KIAA2012: variants seen among roughly 807,000 people sequenced by gnomAD.
The protein encoded by KIAA2012 is uncharacterized protein KIAA2012.
KIAA2012 carries 125 observed loss-of-function variants against 150.6 expected under a neutral mutation model. The observed-to-expected ratio is 0.83, with a 90% CI of 0.72 to 0.96. The LOEUF is 0.96. Among genes scored for constraint, KIAA2012 ranks in the 40% least tolerant of loss-of-function variants. The probability of loss-of-function intolerance (pLI) is 0.00; values close to 1 mark genes in which losing one functional copy is unlikely to be tolerated. For synonymous variants in KIAA2012, 462 were observed against 504.7 expected, an observed-to-expected ratio of 0.92 and a Z score of 1.13; for missense variants, 1,219 against 1,354.9, an observed-to-expected ratio of 0.90 and a Z score of 1.57.
chr2:202,197,126 A>G (rs1416734745), intron 22 of KIAA2012, 107 bp downstream of exon 22: 2 of 1,497,280 alleles, frequency 1.3e-6, no homozygotes, highest in Non-Finnish European at 1.8e-6. Flanking sequence ...AAGTCCCCCC[A>G]CCCCCAGCAT....
chr2:202,157,755 C>A (rs1434021908), intron 14 of KIAA2012, among the ~76,000 whole-genome samples: 1 of 152,166 alleles, frequency 6.6e-6, no homozygotes, highest in Non-Finnish European at 1.5e-5. Flanking sequence ...CTATGCTCAA[C>A]CATCTGTTAT....
At chr2:202,194,491 A>G in intron 21 of KIAA2012, 129 bp downstream of exon 21, 2 of 914,316 alleles carry the variant, frequency 2.2e-6, no homozygotes, top group South Asian at 4.1e-5. Context: ...AATATAAACT[A>G]TTTTTCAAAG....
intron 2 of KIAA2012, among the ~76,000 whole-genome samples, chr2:202,083,224 A>T (rs1559196971): frequency 6.6e-6 from 1 of 152,174 alleles, no homozygotes; most frequent in Non-Finnish European, 1.5e-5. Context: ...TAGGAGAGAG[A>T]GTTATCATTT....
Position 202,190,458 on chromosome 2 carries a change from T to C in KIAA2012, c.2776T>C (p.Ser926Pro). 1 of 1,544,736 alleles carries C rather than the reference T, an allele frequency of 6.5e-7. No homozygotes were observed. The highest frequency in any genetic ancestry group is 8.7e-7 in the Non-Finnish European group (1 of 1,143,662). ...TGCAACTGTCACTGGCAACATGGAA[T>C]CTAAAGAAGAGAGAAGATGTGAGGA... ...QIATVTGNME[S>P]KEERRCEDPS... is the part of the protein sequence containing the mutation. The change falls in exon 19 of 24, where the codon TCT becomes CCT. Residue 926 changes from serine to proline, a missense_variant. Transcript: ENST00000498697.
intron 12 of KIAA2012, among the ~76,000 whole-genome samples, chr2:202,132,920 C>G (rs1171254632): frequency 1.5e-5 from 2 of 137,128 alleles, no homozygotes; most frequent in Non-Finnish European, 3.1e-5. Flanking sequence ...GACGGTGAAA[C>G]CCCGTCTCTA....
At chr2:202,188,538 A>G (rs1022026362) in intron 18 of KIAA2012, among the ~76,000 whole-genome samples, 2 of 152,220 alleles carry the variant, frequency 1.3e-5, no homozygotes, top group Non-Finnish European at 2.9e-5. Context: ...ACTCTTATTT[A>G]TTAGGACTCT....
chr2:202,200,721 T>TTTTTC (rs1338536967), intron 22 of KIAA2012, among the ~76,000 whole-genome samples: 1 of 150,894 alleles, frequency 6.6e-6, no homozygotes, highest in African/African-American at 2.4e-5. Flanking sequence ...TTTTTTTTTT[T>TTTTTC]TGGTGACGGA....
At chr2:202,077,276 G>A (rs981658262) in intron 2 of KIAA2012, among the ~76,000 whole-genome samples, 1 of 152,056 alleles carries the variant, frequency 6.6e-6, no homozygotes, top group African/African-American at 2.4e-5. Flanking sequence ...TATTTTCCTG[G>A]TTGGACACTG....
chr2:202,124,013 A>G (rs1690717723), intron 11 of KIAA2012, among the ~76,000 whole-genome samples: 1 of 152,080 alleles, frequency 6.6e-6, no homozygotes, highest in South Asian at 2.1e-4. Flanking sequence ...ACATGGTGAA[A>G]CCCTGTTTCT....
At chr2:202,091,593 A>G (rs1313412033) in intron 3 of KIAA2012, among the ~76,000 whole-genome samples, 1 of 152,192 alleles carries the variant, frequency 6.6e-6, no homozygotes, top group Non-Finnish European at 1.5e-5. Context: ...TAGCACATGC[A>G]TACCCACCCC....
chr2:202,132,624 A>C (rs929748268), intron 12 of KIAA2012, among the ~76,000 whole-genome samples: 1 of 150,798 alleles, frequency 6.6e-6, no homozygotes, highest in Non-Finnish European at 1.5e-5. Context: ...TAGTGAGCCA[A>C]GGTTGTGCCA....
chr2:202,103,910 G>A (rs1690115366), intron 8 of KIAA2012, among the ~76,000 whole-genome samples: 1 of 152,160 alleles, frequency 6.6e-6, no homozygotes, highest in Admixed American at 6.5e-5. Context: ...CTTGCTCCAG[G>A]GACTTCTCTG....
chr2:202,182,742 A>G (rs555850385), intron 15 of KIAA2012, among the ~76,000 whole-genome samples: 1 of 152,316 alleles, frequency 6.6e-6, no homozygotes, highest in Admixed American at 6.5e-5. Flanking sequence ...AAAAACTGCC[A>G]AATTATTTTC....
At chr2:202,146,631 CAAAAA>C (rs34039489) in intron 13 of KIAA2012, among the ~76,000 whole-genome samples, 1 of 76,514 alleles carries the variant, frequency 1.3e-5, no homozygotes, top group Non-Finnish European at 2.5e-5. Flanking sequence ...GACTCCATCT[CAAAAA>C]AAAAAAAAAA....
intron 13 of KIAA2012, among the ~76,000 whole-genome samples, chr2:202,148,117 T>C (rs753591155): frequency 8.5e-5 from 13 of 152,200 alleles, no homozygotes; most frequent in Non-Finnish European, 1.2e-4. Context: ...GATTTACTTA[T>C]AGTAGAAGCT....
chr2:202,200,707 C>CCTTTTTT (rs559741848), intron 22 of KIAA2012, among the ~76,000 whole-genome samples: 1 of 124,272 alleles, frequency 8.0e-6, no homozygotes, highest in African/African-American at 3.1e-5. Context: ...AATTTTGGAA[C>CCTTTTTT]TTTTTTTTTT....
In KIAA2012 at chr2:202,086,646, G is replaced by A. The variant is rs535844553; in HGVS notation, c.370-4124G>A. Among the ~76,000 whole-genome samples the A allele has an allele frequency of 2.0e-5, 3 of 152,320 alleles. No individual in the cohort carries two copies. In the East Asian group the frequency reaches 5.8e-4, roughly 29 times the overall value. On this transcript the variant is annotated intron_variant, in intron 2 of 23. Coordinates refer to ENST00000498697, the MANE Select transcript of KIAA2012 (RefSeq NM_001277372.4). ...TTCCAGACATCAAGGAGCAGGTGAT[G>A]CTGTATGTTTGAATTCTAAGCATTC...
chr2:202,166,872 T>C (rs1181370033), intron 15 of KIAA2012, among the ~76,000 whole-genome samples: 1 of 152,094 alleles, frequency 6.6e-6, no homozygotes. Context: ...ATCAGCAACC[T>C]CCAAATCAAA....
At chr2:202,167,790 G>C (rs1691802888) in intron 15 of KIAA2012, among the ~76,000 whole-genome samples, 1 of 152,016 alleles carries the variant, frequency 6.6e-6, no homozygotes, top group Non-Finnish European at 1.5e-5. Context: ...GCTGCAGTGA[G>C]TTGAGACTGC....
Sources: gnomAD v4.1 joint callset for allele counts (sites outside exome capture counted in the v4.1 genomes callset) on GRCh38, gnomAD v4.1.1 for gene constraint, MANE v1.5 for transcripts, NCBI Gene and HGNC (gene_info 2026-07-23, HGNC 2026-07-21) for gene names.